Variants in KIRREL1 observed in about 807,000 individuals in gnomAD.
KIRREL1 encodes the protein kin of IRRE-like protein 1.
KIRREL1 carries 25 observed loss-of-function variants against 83.3 expected under a neutral mutation model. That is an observed-to-expected ratio of 0.30 (90% CI 0.22 to 0.42). KIRREL1 has a LOEUF of 0.42. KIRREL1 is among the 10% of genes least tolerant of loss of function. KIRREL1 has a pLI of 1.00. For missense variants in KIRREL1, 812 were observed against 1,032.3 expected (o/e 0.79, Z 2.92); for synonymous variants, 388 against 410.4 (o/e 0.95, Z 0.66).
intron 1 of KIRREL1, among the ~76,000 whole-genome samples, chr1:158,021,554 T>C (rs1370612012): frequency 6.6e-6 from 1 of 152,196 alleles, no homozygotes; most frequent in Admixed American, 6.5e-5. Flanking sequence ...AAGCAGAGGC[T>C]CTTTTTAGCT....
At chr1:158,067,573 A>G (rs889458911) in intron 1 of KIRREL1, among the ~76,000 whole-genome samples, 4 of 152,210 alleles carry the variant, frequency 2.6e-5, no homozygotes, top group African/African-American at 7.2e-5. Context: ...GGGCCAAGTG[A>G]ATCTTCTCCT....
intron 1 of KIRREL1, among the ~76,000 whole-genome samples, chr1:158,033,192 C>T (rs983437288): frequency 3.9e-5 from 6 of 152,198 alleles, no homozygotes; most frequent in Non-Finnish European, 2.9e-5. Flanking sequence ...CTGCCTCAGC[C>T]TCCCCAGTAG....
At chr1:158,050,103 G>A (rs1660873586) in intron 1 of KIRREL1, among the ~76,000 whole-genome samples, 1 of 152,168 alleles carries the variant, frequency 6.6e-6, no homozygotes, top group African/African-American at 2.4e-5. Context: ...AGGTGTGTGT[G>A]TGTGCACATG....
At chr1:158,074,064 A>C (rs1661599839) in intron 1 of KIRREL1, among the ~76,000 whole-genome samples, 1 of 152,148 alleles carries the variant, frequency 6.6e-6, no homozygotes, top group South Asian at 2.1e-4. Flanking sequence ...GATATGAATA[A>C]ATTTGAATAA....
At chr1:158,090,545 T>C (rs369639806) in intron 10 of KIRREL1, among the ~76,000 whole-genome samples, 29 of 152,190 alleles carry the variant, frequency 1.9e-4, no homozygotes, top group African/African-American at 7.0e-4. Flanking sequence ...GGGCTTTCCT[T>C]GCAGATCTAG....
intron 1 of KIRREL1, among the ~76,000 whole-genome samples, chr1:158,030,545 CT>C (rs958257853): frequency 6.6e-6 from 1 of 152,204 alleles, no homozygotes; most frequent in African/African-American, 2.4e-5. Flanking sequence ...CGTCGCATAT[CT>C]TAGCTTTGTG....
intron 1 of KIRREL1, among the ~76,000 whole-genome samples, chr1:158,062,569 G>A (rs558177481): frequency 6.6e-6 from 1 of 152,376 alleles, no homozygotes; most frequent in South Asian, 2.1e-4. Context: ...GAAAACTCTA[G>A]CATGTCCTGC....
Position 158,078,118 on chromosome 1 carries a change from G to A in KIRREL1, c.330G>A (p.Arg110=). The change falls in exon 3 of 15, where the codon CGG becomes CGA. Residue 110 remains arginine, a synonymous_variant. Coordinates refer to ENST00000359209, the MANE Select transcript of KIRREL1 (RefSeq NM_018240.7). ...CCACGGAGGCCGCCCTGCGCTCTCG[G>A]CGGGCCAAACTCACCGTGCTCAGTA... ...CQATEAALRS[R]RAKLTVLIPP... 4 of 1,614,030 alleles carry A rather than the reference G, an allele frequency of 2.5e-6. No homozygotes were observed. Among genetic ancestry groups the A allele is most frequent in the Non-Finnish European group, 3.4e-6 (4 of 1,180,020 alleles).
Position 158,095,165 on chromosome 1 carries a change from G to C in KIRREL1, c.*45G>C. On this transcript the variant is annotated 3_prime_UTR_variant, in exon 15 of 15. Transcript: ENST00000359209. ...GCATCTCTGCGGGGCAGAGGAGAAG[G>C]CTTTCACAGCTGTTCCCTGATATTC... The C allele has an allele frequency of 6.0e-6, 8 of 1,330,402 alleles. No individual in the cohort carries two copies. Among genetic ancestry groups the C allele is most frequent in the Non-Finnish European group, 8.3e-6 (8 of 963,330 alleles). The allele number at this position is 1,330,402 out of a possible 1,614,324, so 82.4% of individuals were successfully genotyped here. A position where few individuals can be genotyped will look rare whatever the true frequency, so the allele number is the denominator to read the frequency against.
At chr1:158,035,745 G>A (rs1384159306) in intron 1 of KIRREL1, among the ~76,000 whole-genome samples, 3 of 152,126 alleles carry the variant, frequency 2.0e-5, no homozygotes, top group Non-Finnish European at 4.4e-5. Context: ...CACTTTGATG[G>A]AGACAGGCCA....
At position 158,094,086 on chromosome 1, in the gene KIRREL1, T is replaced by G. The variant is rs750855140; in HGVS notation, c.1720-227T>G. Among the ~76,000 whole-genome samples the G allele has an allele frequency of 6.6e-6, 1 of 152,180 alleles. No homozygotes were observed. Among genetic ancestry groups the G allele is most frequent in the East Asian group, 1.9e-4 (1 of 5,184 alleles). On this transcript the variant is annotated intron_variant, in intron 13 of 14. Transcript: ENST00000359209. The surrounding 1 kb of genome is among the most constrained non-coding windows in gnomAD (Gnocchi z 4.6). ...AGCCCTGGAGAGGGGCAGTGACATA[T>G]ACAAGGTCACATTACATGTTAGCAA...
intron 1 of KIRREL1, among the ~76,000 whole-genome samples, chr1:158,024,923 A>T (rs1416001979): frequency 6.6e-6 from 1 of 152,116 alleles, no homozygotes; most frequent in Non-Finnish European, 1.5e-5. Flanking sequence ...CAGACCAAAA[A>T]AAGAGATCCT....
At chr1:158,048,649 G>T (rs1330502063) in intron 1 of KIRREL1, among the ~76,000 whole-genome samples, 1 of 152,160 alleles carries the variant, frequency 6.6e-6, no homozygotes, top group Non-Finnish European at 1.5e-5. Flanking sequence ...AAAAGGGAAC[G>T]CATACTTTTG....
chr1:158,068,593 A>G (rs1661419761), intron 1 of KIRREL1, among the ~76,000 whole-genome samples: 1 of 152,100 alleles, frequency 6.6e-6, no homozygotes, highest in African/African-American at 2.4e-5. Context: ...CACCCTGCCC[A>G]GCCCCAGCTC....
intron 1 of KIRREL1, among the ~76,000 whole-genome samples, chr1:158,034,290 A>AAAAAAAAG (rs1557997272): frequency 6.6e-6 from 1 of 151,538 alleles, no homozygotes; most frequent in African/African-American, 2.4e-5. Flanking sequence ...AAAAAAAGAA[A>AAAAAAAAG]AAAAGAAAAT....
chr1:157,997,140 T>C (rs1480486011), intron 1 of KIRREL1, among the ~76,000 whole-genome samples: 1 of 152,198 alleles, frequency 6.6e-6, no homozygotes, highest in Non-Finnish European at 1.5e-5. Context: ...CGCGCTGCAG[T>C]GCTGGAAAGA....
At chr1:158,022,268 A>T (rs935376519) in intron 1 of KIRREL1, among the ~76,000 whole-genome samples, 1 of 152,208 alleles carries the variant, frequency 6.6e-6, no homozygotes, top group Non-Finnish European at 1.5e-5. Flanking sequence ...GAGCATTATA[A>T]GTATCCCAAA....
At chr1:158,061,905 A>G (rs1479220386) in intron 1 of KIRREL1, among the ~76,000 whole-genome samples, 1 of 151,990 alleles carries the variant, frequency 6.6e-6, no homozygotes, top group African/African-American at 2.4e-5. Context: ...CTGCTAGGAG[A>G]TGGTGGAGTG....
chr1:158,076,124 C>T lies in KIRREL1; in HGVS notation c.64C>T (p.Arg22Cys), dbSNP rs539625524. The change falls in exon 2 of 15, where the codon CGC becomes TGC. Residue 22 changes from arginine to cysteine, a missense_variant. This residue lies in a region of KIRREL1 where 472 missense variants were observed against 626.8 expected (regional missense o/e 0.75). Transcript: ENST00000359209. ...CTTTGGCTTTGCAGGGACCCAGACCCGCTTCAGCCAGGAGCCAGCTGACCA... is the reference window on the plus strand; with the variant it reads ...CTTTGGCTTTGCAGGGACCCAGACCTGCTTCAGCCAGGAGCCAGCTGACCA... ...SDTFSQGTQT[R>C]FSQEPADQTV... 1.8e-5 allele frequency: 29 copies of T among 1,613,950 alleles called. No individual in the cohort carries two copies. In the Admixed American group the frequency reaches 2.3e-4, roughly 13 times the overall value.
Sources: gnomAD v4.1 joint callset for allele counts (sites outside exome capture counted in the v4.1 genomes callset) on GRCh38, gnomAD v4.1.1 for gene constraint, gnomAD v4.1.1 regional missense constraint, Gnocchi (gnomAD v3.1) non-coding constraint, MANE v1.5 for transcripts, NCBI Gene and HGNC (gene_info 2026-07-23, HGNC 2026-07-21) for gene names.